Variants in DENND1B observed in about 807,000 individuals in gnomAD.
DENND1B encodes DENN domain-containing protein 1B.
DENND1B carries 59 observed loss-of-function variants against 90.1 expected under a neutral mutation model. That is an observed-to-expected ratio of 0.65 (90% CI 0.53 to 0.81). The LOEUF (loss-of-function observed/expected upper bound fraction) is 0.81, where lower values mean the gene tolerates loss of function less well. Among genes scored for constraint, DENND1B ranks in the 40% least tolerant of loss-of-function variants. DENND1B has a pLI of 0.00. For synonymous variants in DENND1B, 337 were observed against 324.6 expected (o/e 1.04, Z -0.41); for missense variants, 862 against 912.6 (o/e 0.94, Z 0.71).
At chr1:197,575,187 C>G (rs1003534860) in intron 15 of DENND1B, among the ~76,000 whole-genome samples, 14 of 151,812 alleles carry the variant, frequency 9.2e-5, no homozygotes, top group African/African-American at 3.4e-4. Context: ...TGCCATCTAC[C>G]CATCTGACAA....
At chr1:197,716,348 T>A (rs1473557473) in intron 2 of DENND1B, among the ~76,000 whole-genome samples, 1 of 151,598 alleles carries the variant, frequency 6.6e-6, no homozygotes, top group African/African-American at 2.4e-5. Context: ...ATAATAAAAA[T>A]CAATAATTTA....
At chr1:197,756,092 C>T (rs1654248505) in intron 2 of DENND1B, among the ~76,000 whole-genome samples, 1 of 152,196 alleles carries the variant, frequency 6.6e-6, no homozygotes, top group Non-Finnish European at 1.5e-5. Context: ...CCAATGGCAT[C>T]AGGCTAGTTC....
At position 197,695,047 on chromosome 1, in the gene DENND1B, G is replaced by T. The variant is rs554648383; in HGVS notation, c.126+19984C>A. Among the ~76,000 whole-genome samples, 331 of 151,152 alleles carry T rather than the reference G, an allele frequency of 2.2e-3. 2 individuals are homozygous for T. The highest frequency in any genetic ancestry group is 7.7e-3 in the African/African-American group (319 of 41,396). On this transcript the variant is annotated intron_variant, in intron 3 of 22. Transcript: ENST00000620048. The stretch of plus-strand genomic sequence containing the variant: ...TTTTTCCAAATTAGTTTCCCTGTTT[G>T]CATTAAAATTTTAAAATTTTAGCAG...
intron 15 of DENND1B, among the ~76,000 whole-genome samples, chr1:197,573,233 G>C (rs1673343741): frequency 6.6e-6 from 1 of 151,882 alleles, no homozygotes; most frequent in African/African-American, 2.4e-5. Flanking sequence ...TGTGATGTTA[G>C]GGTGTCAATT....
At chr1:197,572,295 C>T (rs907376403) in intron 15 of DENND1B, among the ~76,000 whole-genome samples, 2 of 152,194 alleles carry the variant, frequency 1.3e-5, no homozygotes, top group Non-Finnish European at 2.9e-5. Context: ...GTCCCACGCC[C>T]ACAGAGCCTT....
chr1:197,519,908 C>T (rs928049975), intron 20 of DENND1B, among the ~76,000 whole-genome samples: 13 of 151,506 alleles, frequency 8.6e-5, no homozygotes, highest in Admixed American at 5.3e-4. Context: ...CACTAGATGG[C>T]AGACATATAT....
At chr1:197,773,174 AC>A (rs1405769362) in intron 1 of DENND1B, 3 of 511,350 alleles carry the variant, frequency 5.9e-6, no homozygotes, top group Non-Finnish European at 1.1e-5. Context: ...GTTCTCCCTT[AC>A]CTATGAGGTG....
intron 3 of DENND1B, among the ~76,000 whole-genome samples, chr1:197,680,251 C>T (rs1466916946): frequency 6.6e-6 from 1 of 152,104 alleles, no homozygotes; most frequent in African/African-American, 2.4e-5. Context: ...CCTTGATGAC[C>T]ATATAACGTC....
intron 3 of DENND1B, among the ~76,000 whole-genome samples, chr1:197,675,296 T>A (rs1655942120): frequency 1.3e-5 from 2 of 152,166 alleles, no homozygotes; most frequent in Non-Finnish European, 2.9e-5. Context: ...TTGAGTGTTT[T>A]AAAGTAGAAT....
chr1:197,687,358 A>G (rs754113601), intron 3 of DENND1B, among the ~76,000 whole-genome samples: 131 of 152,162 alleles, frequency 8.6e-4, no homozygotes, highest in Non-Finnish European at 9.1e-4. Context: ...GATGCTTCCA[A>G]TGTCTCCTCA....
intron 10 of DENND1B, among the ~76,000 whole-genome samples, chr1:197,627,543 C>T (rs1245892222): frequency 1.3e-5 from 2 of 152,016 alleles, no homozygotes; most frequent in African/African-American, 4.8e-5. Context: ...ATAATAAGAG[C>T]TATCTATGAC....
At chr1:197,551,969 G>A (rs746553743) in intron 16 of DENND1B, among the ~76,000 whole-genome samples, 2 of 152,046 alleles carry the variant, frequency 1.3e-5, no homozygotes, top group Non-Finnish European at 2.9e-5. Context: ...ACTTACATCA[G>A]ATAAAGGTCC....
rs1449736020 is a variant in DENND1B, at chr1:197,770,787, TATATATCTATAA to T, written c.82+2069_82+2080del. Among the ~76,000 whole-genome samples, 53 of 140,726 alleles carry T rather than the reference TATATATCTATAA, an allele frequency of 3.8e-4. No individual in the cohort carries two copies. The East Asian group carries it at 7.9e-3, about 21-fold the overall frequency. 92.3% of individuals were successfully genotyped at this position (140,726 alleles called of 152,430 possible). A position where few individuals can be genotyped will look rare whatever the true frequency, so the allele number is the denominator to read the frequency against. ...AAATATATATCTATAAATATATAAA[TATATATCTATAA>T]ATATATATATAAATATATATGTAAA... is the stretch of plus-strand genomic sequence containing the variant. On this transcript the variant is annotated intron_variant, in intron 2 of 22. Coordinates refer to ENST00000620048, the MANE Select transcript of DENND1B (RefSeq NM_001195215.2).
At chr1:197,556,185 C>A (rs1481886137) in intron 15 of DENND1B, among the ~76,000 whole-genome samples, 2 of 151,946 alleles carry the variant, frequency 1.3e-5, no homozygotes, top group South Asian at 2.1e-4. Context: ...GAACTATAAA[C>A]ACTGGAGAGT....
chr1:197,564,395 CAA>C lies in DENND1B; in HGVS notation c.1150-11285_1150-11284del, dbSNP rs71131780. The stretch of plus-strand genomic sequence containing the variant: ...ATACTGAGGCAAGAACCTCCACCAG[CAA>C]AAAAAAAAAAAAAAAAAAAAAAAGA... On this transcript the variant is annotated intron_variant, in intron 15 of 22. Coordinates refer to ENST00000620048, the MANE Select transcript of DENND1B (RefSeq NM_001195215.2). Among the ~76,000 whole-genome samples the C allele has an allele frequency of 8.5e-3, 537 of 63,132 alleles. 1 individual carries two copies. The highest frequency in any genetic ancestry group is 0.03 in the African/African-American group (476 of 15,630). The allele number at this position is 63,132 out of a possible 152,430, so 41.4% of individuals were successfully genotyped here. A position where few individuals can be genotyped will look rare whatever the true frequency, so the allele number is the denominator to read the frequency against.
At position 197,510,785 on chromosome 1, in the gene DENND1B, C is replaced by T; in HGVS notation, c.2003G>A (p.Ser668Asn). The part of the protein sequence containing the change: ...DSLFILKEEN[S>N]NKHLGADNVS... ...ATTGTCAGCACCGAGGTGCTTGTTACTGTTTTCCTCTTTCAGGATAAACAG... is the reference window on the plus strand; with the variant it reads ...ATTGTCAGCACCGAGGTGCTTGTTATTGTTTTCCTCTTTCAGGATAAACAG... The change falls in exon 23 of 23, where the codon AGT (serine) becomes AAT (asparagine). Residue 668 changes from serine (S) to asparagine (N), a missense_variant. Transcript: ENST00000620048. 1.9e-6 allele frequency: 3 copies of T among 1,612,368 alleles called. No individual in the cohort carries two copies. The highest frequency in any genetic ancestry group is 2.5e-6 in the Non-Finnish European group (3 of 1,179,054).
intron 9 of DENND1B, among the ~76,000 whole-genome samples, chr1:197,643,552 G>A (rs1239922986): frequency 2.0e-5 from 3 of 152,250 alleles, no homozygotes; most frequent in East Asian, 3.9e-4. Context: ...GTCTTTTCAT[G>A]TTTGCCATTC....
At chr1:197,520,462 T>C (rs1334818734) in intron 20 of DENND1B, among the ~76,000 whole-genome samples, 3 of 151,982 alleles carry the variant, frequency 2.0e-5, no homozygotes, top group African/African-American at 7.2e-5. Context: ...AAATTGTTGA[T>C]GTTCCTAAAT....
intron 2 of DENND1B, among the ~76,000 whole-genome samples, chr1:197,715,374 A>T (rs1020241541): frequency 7.2e-5 from 11 of 151,898 alleles, no homozygotes; most frequent in African/African-American, 2.4e-4. Flanking sequence ...CATACTTTAG[A>T]TTTTAAGATT....
Sources: gnomAD v4.1 joint callset for allele counts (sites outside exome capture counted in the v4.1 genomes callset) on GRCh38, gnomAD v4.1.1 for gene constraint, MANE v1.5 for transcripts, NCBI Gene and HGNC (gene_info 2026-07-23, HGNC 2026-07-21) for gene names.